Variants in COL24A1 observed in about 807,000 individuals in gnomAD.
COL24A1 encodes collagen type XXIV alpha 1 chain, also known as collagen alpha-1(XXIV) chain.
Under a neutral mutation model 253.9 loss-of-function variants are expected in COL24A1, and 224 were observed. The observed-to-expected ratio is 0.88, with a 90% CI of 0.79 to 0.99. The LOEUF is 0.99. Among genes scored for constraint, COL24A1 ranks in the 50% least tolerant of loss-of-function variants. COL24A1 has a pLI of 0.00. For missense variants in COL24A1, 2,131 were observed against 2,068.5 expected (o/e 1.03, Z -0.59); for synonymous variants, 685 against 673.7 (o/e 1.02, Z -0.26).
chr1:85,921,919 A>C (rs1012256340), intron 24 of COL24A1, among the ~76,000 whole-genome samples: 6 of 152,220 alleles, frequency 3.9e-5, no homozygotes, highest in African/African-American at 1.2e-4. Flanking sequence ...AAAAGCCTTG[A>C]AAAATGATTA....
At chr1:85,936,881 G>GT (rs1480769683) in intron 24 of COL24A1, among the ~76,000 whole-genome samples, 1 of 147,416 alleles carries the variant, frequency 6.8e-6, no homozygotes, top group Non-Finnish European at 1.5e-5. Context: ...GGTAGCCTTA[G>GT]TAGAGTCTGG....
intron 47 of COL24A1, among the ~76,000 whole-genome samples, chr1:85,809,725 G>GT (rs575685275): frequency 1.6e-4 from 24 of 148,278 alleles, no homozygotes; most frequent in East Asian, 5.9e-4. Context: ...TAAGGTTGCT[G>GT]TTTTTTTTGT....
At chr1:85,734,172 G>A (rs1663803196) in intron 59 of COL24A1, among the ~76,000 whole-genome samples, 1 of 152,028 alleles carries the variant, frequency 6.6e-6, no homozygotes, top group African/African-American at 2.4e-5. Flanking sequence ...CAAAGTGCTG[G>A]GATTACAGGC....
intron 24 of COL24A1, among the ~76,000 whole-genome samples, chr1:85,955,168 A>G (rs1400349339): frequency 1.3e-5 from 2 of 152,218 alleles, no homozygotes; most frequent in Non-Finnish European, 2.9e-5. Context: ...CCAGCAGGCC[A>G]TCTACGGGGA....
At chr1:86,118,211 T>G (rs1706338874) in intron 3 of COL24A1, among the ~76,000 whole-genome samples, 1 of 151,974 alleles carries the variant, frequency 6.6e-6, no homozygotes, top group South Asian at 2.1e-4. Flanking sequence ...TACAGGTGCG[T>G]GCCACCATGC....
chr1:85,871,309 T>C (rs1285879250), intron 35 of COL24A1, among the ~76,000 whole-genome samples: 1 of 151,976 alleles, frequency 6.6e-6, no homozygotes, highest in Admixed American at 6.6e-5. Context: ...ACTATTCCAA[T>C]CAACAGAAAA....
At chr1:86,087,095 T>C (rs965550674) in intron 7 of COL24A1, among the ~76,000 whole-genome samples, 4 of 152,160 alleles carry the variant, frequency 2.6e-5, no homozygotes, top group African/African-American at 9.7e-5. Context: ...TAGCTCTTAA[T>C]TGATAATACG....
intron 20 of COL24A1, among the ~76,000 whole-genome samples, chr1:85,985,406 A>C (rs1012906850): frequency 1.3e-5 from 2 of 151,972 alleles, no homozygotes; most frequent in African/African-American, 4.8e-5. Context: ...AGAATTATAC[A>C]GAGAGGGTTT....
At chr1:86,109,912 T>C (rs1035426431) in intron 5 of COL24A1, among the ~76,000 whole-genome samples, 3 of 152,192 alleles carry the variant, frequency 2.0e-5, no homozygotes, top group African/African-American at 7.2e-5. Context: ...ACATAGCTAG[T>C]TCCTTCCATT....
At chr1:85,878,310 T>C (rs995091338) in intron 32 of COL24A1, among the ~76,000 whole-genome samples, 2 of 152,196 alleles carry the variant, frequency 1.3e-5, no homozygotes, top group African/African-American at 4.8e-5. Context: ...TCTAGTTGTG[T>C]CCTCACATGT....
chr1:85,844,955 A>C (rs1211691369), intron 39 of COL24A1, among the ~76,000 whole-genome samples: 3 of 151,936 alleles, frequency 2.0e-5, no homozygotes, highest in Admixed American at 1.3e-4. Context: ...ATTTTATATG[A>C]CTTGCTTAAC....
At chr1:85,980,931 T>C (rs1014072089) in intron 20 of COL24A1, among the ~76,000 whole-genome samples, 5 of 151,494 alleles carry the variant, frequency 3.3e-5, no homozygotes, top group Admixed American at 1.3e-4. Context: ...AAAAAAGAAA[T>C]ATACCTAACC....
chr1:86,044,251 A>C (rs1699731017), intron 12 of COL24A1, among the ~76,000 whole-genome samples: 1 of 152,202 alleles, frequency 6.6e-6, no homozygotes, highest in Non-Finnish European at 1.5e-5. Flanking sequence ...TTTTATTTAT[A>C]ATAAACAGAA....
At chr1:86,050,898 C>A (rs573534885) in intron 10 of COL24A1, among the ~76,000 whole-genome samples, 1 of 152,142 alleles carries the variant, frequency 6.6e-6, no homozygotes, top group East Asian at 1.9e-4. Flanking sequence ...CCCATTTCAT[C>A]AATTTTACAG....
intron 19 of COL24A1, among the ~76,000 whole-genome samples, chr1:86,007,193 T>C (rs916790583): frequency 1.3e-5 from 2 of 151,338 alleles, no homozygotes; most frequent in Non-Finnish European, 2.9e-5. Context: ...CCGGCCTGAG[T>C]GACATAGTGA....
chr1:85,865,059 T>G (rs1356110999), intron 37 of COL24A1, among the ~76,000 whole-genome samples: 1 of 152,144 alleles, frequency 6.6e-6, no homozygotes, highest in Non-Finnish European at 1.5e-5. Context: ...ATCTAACTCC[T>G]GGATTTGGAA....
intron 20 of COL24A1, among the ~76,000 whole-genome samples, chr1:85,973,784 C>T (rs1465897533): frequency 1.3e-5 from 2 of 152,066 alleles, no homozygotes; most frequent in Non-Finnish European, 2.9e-5. Flanking sequence ...ATCTAGGCTA[C>T]TTTTTCTCTC....
chr1:85,992,514 C>T (rs1571510482), intron 19 of COL24A1, among the ~76,000 whole-genome samples: 1 of 151,762 alleles, frequency 6.6e-6, no homozygotes, highest in African/African-American at 2.4e-5. Context: ...TAAAGGAAAC[C>T]TTTTTTTTAA....
chr1:86,103,085 T>A (rs1281906187), intron 5 of COL24A1, among the ~76,000 whole-genome samples: 1 of 152,250 alleles, frequency 6.6e-6, no homozygotes, highest in African/African-American at 2.4e-5. Flanking sequence ...CATATATATT[T>A]AGAAAAGTTA....
Sources: allele counts gnomAD v4.1 joint callset (sites outside exome capture counted in the v4.1 genomes callset), GRCh38; gene constraint gnomAD v4.1.1; transcripts MANE v1.5; gene names NCBI Gene and HGNC (gene_info 2026-07-23, HGNC 2026-07-21).